ROBO1: variants seen among roughly 807,000 people sequenced by gnomAD.
The protein encoded by ROBO1 is roundabout homolog 1.
A neutral mutation model predicts 195.9 loss-of-function variants in ROBO1; 149 were observed. The observed-to-expected ratio is 0.76, with a 90% CI of 0.67 to 0.87. ROBO1 has a LOEUF of 0.87. ROBO1 is among the 40% of genes least tolerant of loss of function. ROBO1 has a pLI of 0.00. For missense variants in ROBO1, 1,933 were observed against 2,068.3 expected (o/e 0.93, Z 1.27); for synonymous variants, 816 against 733.2 (o/e 1.11, Z -1.82).
At chr3:79,005,674 A>C (rs2077603182) in intron 3 of ROBO1, among the ~76,000 whole-genome samples, 1 of 152,196 alleles carries the variant, frequency 6.6e-6, no homozygotes, top group Admixed American at 6.6e-5. Flanking sequence ...AAGATTCCTC[A>C]CAGAAATGCT....
At chr3:79,377,512 T>TA (rs1424936968) in intron 2 of ROBO1, among the ~76,000 whole-genome samples, 2 of 152,222 alleles carry the variant, frequency 1.3e-5, no homozygotes, top group Non-Finnish European at 2.9e-5. Context: ...CAGAACCACT[T>TA]ACCATTAATA....
intron 2 of ROBO1, among the ~76,000 whole-genome samples, chr3:79,452,215 A>G (rs1032451412): frequency 1.3e-5 from 2 of 152,086 alleles, no homozygotes; most frequent in African/African-American, 4.8e-5. Context: ...ATCTCACTAT[A>G]CATGTCTTTT....
Position 79,720,738 on chromosome 3 carries a change from C to G in ROBO1, c.-51+47014G>C, listed in dbSNP as rs1442802513. 4.6e-5 allele frequency among the ~76,000 whole-genome samples: 7 copies of G among 151,782 alleles called. No homozygotes were observed. In the East Asian group the frequency reaches 1.4e-3, roughly 29 times the overall value. On this transcript the variant is annotated intron_variant, in intron 1 of 30. Transcript: ENST00000464233. Reference sequence around the variant, plus strand: ...TATGGATTCTACTAAAGTCACAGATCCTGCCATACAATACTGTGGTTTATT... The same window carrying G: ...TATGGATTCTACTAAAGTCACAGATGCTGCCATACAATACTGTGGTTTATT...
At chr3:79,559,787 T>A (rs983952148) in intron 2 of ROBO1, among the ~76,000 whole-genome samples, 2 of 151,976 alleles carry the variant, frequency 1.3e-5, no homozygotes, top group Non-Finnish European at 2.9e-5. Flanking sequence ...CGTGGTGGTG[T>A]GCACCTGTTA....
In ROBO1 at chr3:78,719,437, C is replaced by T. The variant is rs193278140; in HGVS notation, c.658-1554G>A. Among the ~76,000 whole-genome samples, 26 of 151,798 alleles carry T rather than the reference C, an allele frequency of 1.7e-4. 1 individual carries two copies. The South Asian group carries it at 4.0e-3, about 23-fold the overall frequency. On this transcript the variant is annotated intron_variant, in intron 5 of 30. Transcript: ENST00000464233. ...ATTATTGTTAGTACTTTTGAACATC[C>T]GTCTTTCAATTATGTGTGTATACAT...
chr3:79,700,303 TTGTGTGTGTGTGTTTG>T (rs1947579371), intron 1 of ROBO1, among the ~76,000 whole-genome samples: 1 of 74,294 alleles, frequency 1.3e-5, no homozygotes, highest in Admixed American at 1.5e-4. Context: ...GTGTGTGTGT[TTGTGTGTGTGTGTTTG>T]TGTGTGTGTG....
intron 3 of ROBO1, among the ~76,000 whole-genome samples, chr3:79,062,158 A>G (rs561755378): frequency 6.6e-6 from 1 of 152,246 alleles, no homozygotes; most frequent in East Asian, 1.9e-4. Context: ...TAACGAGAAA[A>G]AAAACAAACC....
intron 1 of ROBO1, among the ~76,000 whole-genome samples, chr3:79,600,502 T>C (rs1944308138): frequency 6.6e-6 from 1 of 151,976 alleles, no homozygotes; most frequent in Admixed American, 6.6e-5. Flanking sequence ...TTAGCAAGCA[T>C]GTTTAGCTGG....
intron 22 of ROBO1, among the ~76,000 whole-genome samples, chr3:78,637,885 G>C (rs897701821): frequency 6.7e-6 from 1 of 149,952 alleles, no homozygotes; most frequent in Non-Finnish European, 1.5e-5. Context: ...CTTCTCTCTC[G>C]CCTTTCCGTA....
chr3:78,614,000 T>C (rs1703963743), intron 28 of ROBO1, among the ~76,000 whole-genome samples: 2 of 152,214 alleles, frequency 1.3e-5, no homozygotes, highest in African/African-American at 2.4e-5. Context: ...GGGGTTGTTT[T>C]ATAAAATGAG....
chr3:78,701,164 T>C (rs999412593), intron 8 of ROBO1, among the ~76,000 whole-genome samples: 2 of 152,222 alleles, frequency 1.3e-5, no homozygotes, highest in African/African-American at 4.8e-5. Context: ...GTAATTTTGG[T>C]TCTGAAATGT....
intron 1 of ROBO1, among the ~76,000 whole-genome samples, chr3:79,625,784 G>A (rs1945159767): frequency 6.6e-6 from 1 of 152,090 alleles, no homozygotes; most frequent in Admixed American, 6.6e-5. Context: ...GAGGTACAAG[G>A]GGGAACTGGT....
chr3:79,174,532 T>C (rs1198187369), intron 2 of ROBO1, among the ~76,000 whole-genome samples: 1 of 152,118 alleles, frequency 6.6e-6, no homozygotes, highest in Non-Finnish European at 1.5e-5. Flanking sequence ...TCCGGACACA[T>C]TACCTTTAAA....
At chr3:78,699,154 A>G (rs1364277046) in intron 8 of ROBO1, among the ~76,000 whole-genome samples, 3 of 151,996 alleles carry the variant, frequency 2.0e-5, no homozygotes, top group Non-Finnish European at 2.9e-5. Flanking sequence ...TTCTCTCTTT[A>G]TTGCCACCAT....
intron 4 of ROBO1, among the ~76,000 whole-genome samples, chr3:78,865,469 A>G (rs1470228571): frequency 6.9e-6 from 1 of 145,804 alleles, no homozygotes; most frequent in Non-Finnish European, 1.5e-5. Context: ...GGCTTGATGA[A>G]CGCTTTTTTT....
chr3:79,425,057 T>A (rs1466845866), intron 2 of ROBO1, among the ~76,000 whole-genome samples: 1 of 152,170 alleles, frequency 6.6e-6, no homozygotes, highest in Admixed American at 6.5e-5. Flanking sequence ...AGAGCTAGGT[T>A]CCATCTGACT....
At chr3:78,761,212 C>T (rs1219952355) in intron 4 of ROBO1, among the ~76,000 whole-genome samples, 2 of 151,672 alleles carry the variant, frequency 1.3e-5, no homozygotes, top group East Asian at 1.9e-4. Flanking sequence ...TGAAAATGCC[C>T]TGCAACTTGT....
chr3:78,720,718 G>A (rs1232603901), intron 5 of ROBO1, among the ~76,000 whole-genome samples: 6 of 152,260 alleles, frequency 3.9e-5, no homozygotes, highest in Non-Finnish European at 7.4e-5. Flanking sequence ...TGATAGACTG[G>A]ATTAAGAAAA....
rs1350093101 is a variant in ROBO1, at chr3:79,332,150, G to GAAA, written c.89-206614_89-206612dup. Among the ~76,000 whole-genome samples the GAAA allele has an allele frequency of 3.9e-4, 37 of 94,252 alleles. 1 individual carries two copies. The highest frequency in any genetic ancestry group is 1.0e-3 in the African/African-American group (30 of 28,878). 61.8% of individuals were successfully genotyped at this position (94,252 alleles called of 152,430 possible). A position where few individuals can be genotyped will look rare whatever the true frequency, so the allele number is the denominator to read the frequency against. On this transcript the variant is annotated intron_variant, in intron 2 of 30. Coordinates refer to ENST00000464233, the MANE Select transcript of ROBO1 (RefSeq NM_002941.4). Reference sequence around the variant, plus strand: ...AGAGCAAGACTCCGTCTCAAAAAAAGAAAAAAAAAAAAAAAAGAATGTGAC... The same window carrying GAAA: ...AGAGCAAGACTCCGTCTCAAAAAAAGAAAAAAAAAAAAAAAAAAAGAATGTGAC...
Sources: allele counts gnomAD v4.1 joint callset (sites outside exome capture counted in the v4.1 genomes callset), GRCh38; gene constraint gnomAD v4.1.1; transcripts MANE v1.5; gene names NCBI Gene and HGNC (gene_info 2026-07-23, HGNC 2026-07-21).